The following RP1L1 variants were observed in gnomAD, a reference collection of about 807,000 sequenced individuals.
The protein encoded by RP1L1 is RP1 like 1, also known as retinitis pigmentosa 1-like 1 protein.
RP1L1 carries 27 observed loss-of-function variants against 15.7 expected under a neutral mutation model. The ratio of observed to expected loss-of-function variants is 1.72; its 90% CI spans 1.27 to 2.38. The LOEUF (loss-of-function observed/expected upper bound fraction) is 2.38. Among genes scored for constraint, RP1L1 ranks in the 30% most tolerant of loss-of-function variants. RP1L1 has a pLI of 0.00. For missense variants in RP1L1, 4,798 were observed against 3,075.9 expected (o/e 1.56, Z -13.24); for synonymous variants, 1,813 against 1,276.7 (o/e 1.42, Z -8.96).
chr8:10,622,575 C>T lies in RP1L1; in HGVS notation c.609+18G>A. 1.2e-6 allele frequency: 2 copies of T among 1,614,094 alleles called. No homozygotes were observed. Among genetic ancestry groups the T allele is most frequent in the South Asian group, 1.1e-5 (1 of 90,988 alleles). ...CTAAAGAACCTTTTCAAGGAACCGTCAGACCCCAACAGCCTACCTTTTTCC... is the reference window on the plus strand; with the variant it reads ...CTAAAGAACCTTTTCAAGGAACCGTTAGACCCCAACAGCCTACCTTTTTCC... On this transcript the variant is annotated intron_variant, in intron 2 of 3. Coordinates refer to ENST00000382483, the MANE Select transcript of RP1L1 (RefSeq NM_178857.6).
intron 3 of RP1L1, among the ~76,000 whole-genome samples, chr8:10,614,310 C>A (rs537915740): frequency 6.6e-6 from 1 of 152,160 alleles, no homozygotes; most frequent in Non-Finnish European, 1.5e-5. Flanking sequence ...GTCAAGCCTG[C>A]ACCCCAGCCA....
Position 10,611,836 on chromosome 8 carries a change from C to T in RP1L1, c.2262G>A (p.Pro754=), listed in dbSNP as rs185177994. ...VHSDFVSGVS[P]HNAPSAGWAG... ...CCCACCCGGCAGAGGGAGCGTTGTG[C>T]GGGGAGACTCCAGAAACAAAATCCG... is the stretch of plus-strand genomic sequence containing the variant. The change falls in exon 4 of 4, where the codon CCG becomes CCA. Residue 754 remains proline, a synonymous_variant. Transcript: ENST00000382483. 851 of 1,613,652 alleles carry T rather than the reference C, an allele frequency of 5.3e-4. 4 individuals carry two copies. In the African/African-American group the frequency reaches 0.01, roughly 19 times the overall value.
At chr8:10,649,522 G>A (rs1798527993) in intron 1 of RP1L1, among the ~76,000 whole-genome samples, 1 of 152,292 alleles carries the variant, frequency 6.6e-6, no homozygotes, top group South Asian at 2.1e-4. Context: ...CTCGATGGTG[G>A]GTTGCTGTCC....
intron 1 of RP1L1, among the ~76,000 whole-genome samples, chr8:10,647,583 G>A (rs1439395959): frequency 6.6e-6 from 1 of 152,156 alleles, no homozygotes; most frequent in Non-Finnish European, 1.5e-5. Flanking sequence ...AAGCAGAATC[G>A]TGCAGTATTT....
At chr8:10,624,887 G>T (rs1173992033) in intron 1 of RP1L1, among the ~76,000 whole-genome samples, 1 of 152,172 alleles carries the variant, frequency 6.6e-6, no homozygotes, top group African/African-American at 2.4e-5. Flanking sequence ...CCACTGAGAT[G>T]TGGGCCCCAG....
Position 10,608,493 on chromosome 8 carries a change from G to A in RP1L1, c.5605C>T (p.Pro1869Ser), listed in dbSNP as rs765880998. The change falls in exon 4 of 4, where the codon CCA (proline) becomes TCA (serine). Residue 1869 changes from proline to serine, a missense_variant. By Grantham distance (74) the Pro-to-Ser change is moderately conservative. Coordinates refer to ENST00000382483, the MANE Select transcript of RP1L1 (RefSeq NM_178857.6). ...GGGGCCTCTACATCTTCTGACTCTGGCTGGGCCTCCCCTTCAGCCTCCTGG... is the reference window on the plus strand; with the variant it reads ...GGGGCCTCTACATCTTCTGACTCTGACTGGGCCTCCCCTTCAGCCTCCTGG... ...DAQEAEGEAQ[P>S]ESEDVEAPEA... is the part of the protein sequence containing the mutation. 1 of 1,606,168 alleles carries A rather than the reference G, an allele frequency of 6.2e-7. No individual in the cohort carries two copies. Among genetic ancestry groups the A allele is most frequent in the South Asian group, 1.1e-5 (1 of 87,688 alleles).
chr8:10,606,720 C>T lies in RP1L1; in HGVS notation c.*175G>A, dbSNP rs1797707497. The T allele has an allele frequency of 2.2e-5, 24 of 1,096,436 alleles. No individual in the cohort carries two copies. In the South Asian group the frequency reaches 3.6e-4, roughly 16 times the overall value. 67.9% of individuals were successfully genotyped at this position (1,096,436 alleles called of 1,614,324 possible). On this transcript the variant is annotated 3_prime_UTR_variant, in exon 4 of 4. Coordinates refer to ENST00000382483, the MANE Select transcript of RP1L1 (RefSeq NM_178857.6). ...CGGGCCGCAGAGCTCTCTGACACTT[C>T]TGGACTTAAGAGTCCCAGGACAGCA...
chr8:10,609,838 G>T lies in RP1L1; in HGVS notation c.4260C>A (p.Gly1420=). 1 of 1,614,124 alleles carries T rather than the reference G, an allele frequency of 6.2e-7. No homozygotes were observed. The highest frequency in any genetic ancestry group is 1.3e-5 in the African/African-American group (1 of 75,046). Residue 1420 remains glycine, a synonymous_variant, in exon 4 of 4, where the codon GGC becomes GGA. Coordinates refer to ENST00000382483, the MANE Select transcript of RP1L1 (RefSeq NM_178857.6). ...CCTGGACTGGGTCATCTTCCTGGGA[G>T]CCTTTCCCATCCGGAGAGCTGGCCT... ...LSEASSPDGK[G]SQEDDPVQEE...
chr8:10,629,773 G>A (rs1427161967), intron 1 of RP1L1, among the ~76,000 whole-genome samples: 1 of 152,106 alleles, frequency 6.6e-6, no homozygotes. Context: ...CTACCCTGCT[G>A]TCCTTACCAC....
rs372020820 is a variant in RP1L1 at position 10,611,741 on chromosome 8, T to A, written c.2357A>T (p.Lys786Ile). The change falls in exon 4 of 4, where the codon AAA becomes ATA. Residue 786 changes from lysine (K) to isoleucine (I), a missense_variant. Lys to Ile is a moderately radical substitution (Grantham distance 102, BLOSUM62 -3). Coordinates refer to ENST00000382483, the MANE Select transcript of RP1L1 (RefSeq NM_178857.6). ...TTCCCCCAGGCTGGCAGCCCCAGATTTTGAGCAGGAGTCGGATGTGTGGGG... is the reference window on the plus strand; with the variant it reads ...TTCCCCCAGGCTGGCAGCCCCAGATATTGAGCAGGAGTCGGATGTGTGGGG... ...IPPHTSDSCS[K>I]SGAASLGEEA... is the part of the protein sequence containing the mutation. The A allele has an allele frequency of 1.2e-6, 2 of 1,613,400 alleles. No homozygotes were observed. The highest frequency in any genetic ancestry group is 2.7e-5 in the African/African-American group (2 of 74,918).
chr8:10,622,603 C>G lies in RP1L1; in HGVS notation c.599G>C (p.Ser200Thr), dbSNP rs754622612. The change falls in exon 2 of 4, where the codon AGC becomes ACC. Residue 200 changes from serine to threonine, a missense_variant. Ser to Thr is a moderately conservative substitution (Grantham distance 58). Transcript: ENST00000382483. ...ACCCCAACAGCCTACCTTTTTCCCGCTGGTCGTGTACAACTGCTTCACAGG... is the reference window on the plus strand; with the variant it reads ...ACCCCAACAGCCTACCTTTTTCCCGGTGGTCGTGTACAACTGCTTCACAGG... ...RFPVKQLYTTSGKKVDSLQAL... is the reference protein window; with the variant it reads ...RFPVKQLYTTTGKKVDSLQAL... 9 of 1,614,084 alleles carry G rather than the reference C, an allele frequency of 5.6e-6. No homozygotes were observed. The African/African-American group carries it at 1.1e-4, about 19-fold the overall frequency.
intron 1 of RP1L1, among the ~76,000 whole-genome samples, chr8:10,637,791 G>A: frequency 6.6e-6 from 1 of 152,204 alleles, no homozygotes; most frequent in Non-Finnish European, 1.5e-5. Flanking sequence ...AAAGAGACGG[G>A]GGAAGTAGGA....
chr8:10,609,394 G>T lies in RP1L1; in HGVS notation c.4704C>A (p.Leu1568=). The part of the protein sequence containing the change: ...AELQQDVAQR[L]QDSTKRELQK... ...GGAGCTCTCTCTTGGTGCTGTCCTG[G>T]AGGCGTTGGGCCACGTCCTGCTGCA... The change falls in exon 4 of 4, where the codon CTC becomes CTA. Residue 1568 remains leucine (L), a synonymous_variant. Transcript: ENST00000382483. 1 of 1,612,392 alleles carries T rather than the reference G, an allele frequency of 6.2e-7. No individual in the cohort carries two copies.
At chr8:10,629,444 C>T (rs945455646) in intron 1 of RP1L1, among the ~76,000 whole-genome samples, 4 of 152,116 alleles carry the variant, frequency 2.6e-5, no homozygotes, top group Non-Finnish European at 5.9e-5. Flanking sequence ...GGAATGGACT[C>T]GATTTCTTTG....
At chr8:10,652,007 C>T (rs966416686) in intron 1 of RP1L1, among the ~76,000 whole-genome samples, 13 of 152,136 alleles carry the variant, frequency 8.5e-5, no homozygotes, top group African/African-American at 3.1e-4. Flanking sequence ...CATTGTGCTG[C>T]AATTGCCTAT....
At chr8:10,640,803 G>T (rs894674607) in intron 1 of RP1L1, among the ~76,000 whole-genome samples, 1 of 151,932 alleles carries the variant, frequency 6.6e-6, no homozygotes, top group Non-Finnish European at 1.5e-5. Context: ...TTGAAACAGG[G>T]TCTGTCGCCC....
rs1295617188 is a variant in RP1L1, at chr8:10,623,811, TGA to T, written c.-19-593_-19-592del. Among the ~76,000 whole-genome samples, 4 of 151,256 alleles carry T rather than the reference TGA, an allele frequency of 2.6e-5. No individual in the cohort carries two copies. The East Asian group carries it at 7.8e-4, about 29-fold the overall frequency. On this transcript the variant is annotated intron_variant, in intron 1 of 3. Transcript: ENST00000382483. ...GCACCACATGTCCCCAACATTGCTG[TGA>T]CTCATTGTCACCCTGTCCCTCAGCA...
chr8:10,645,355 A>G (rs6601498), intron 1 of RP1L1, among the ~76,000 whole-genome samples: 151,292 of 152,300 alleles, frequency 0.99, 75,154 homozygotes, highest in East Asian at 1. Context: ...AAACAAAAAT[A>G]TCTATAATGC....
At chr8:10,643,533 C>T (rs1798435910) in intron 1 of RP1L1, among the ~76,000 whole-genome samples, 1 of 152,106 alleles carries the variant, frequency 6.6e-6, no homozygotes, top group Non-Finnish European at 1.5e-5. Context: ...AAGAGATACA[C>T]TCTCAGCTTC....
Sources: gnomAD v4.1 joint callset for allele counts (sites outside exome capture counted in the v4.1 genomes callset) on GRCh38, gnomAD v4.1.1 for gene constraint, MANE v1.5 for transcripts, NCBI Gene and HGNC (gene_info 2026-07-23, HGNC 2026-07-21) for gene names.